The following PPFIA2 variants were observed in gnomAD, a reference collection of about 807,000 sequenced individuals.
The protein encoded by PPFIA2 is liprin-alpha-2.
Under a neutral mutation model 175.5 loss-of-function variants are expected in PPFIA2, and 46 were observed. The ratio of observed to expected loss-of-function variants is 0.26; its 90% confidence interval spans 0.21 to 0.34. The LOEUF (loss-of-function observed/expected upper bound fraction) is 0.34, where lower values mean the gene tolerates loss of function less well. PPFIA2 is among the 10% of genes least tolerant of loss of function. The pLI, the probability that PPFIA2 is intolerant of heterozygous loss-of-function variation, is 1.00. For synonymous variants in PPFIA2, 568 were observed against 511.4 expected (o/e 1.11, Z -1.49); for missense variants, 1,179 against 1,506.1 (o/e 0.78, Z 3.60).
chr12:81,625,636 C>T (rs1241725989), intron 4 of PPFIA2, among the ~76,000 whole-genome samples: 2 of 151,504 alleles, frequency 1.3e-5, no homozygotes, highest in Non-Finnish European at 3.0e-5. Flanking sequence ...TGACACAAAC[C>T]TGAAAGAAAA....
chr12:81,711,492 C>T (rs1167551681), intron 3 of PPFIA2, among the ~76,000 whole-genome samples: 1 of 151,280 alleles, frequency 6.6e-6, no homozygotes, highest in Non-Finnish European at 1.5e-5. Context: ...TCTATGTAGT[C>T]ATTTCTAGAT....
intron 4 of PPFIA2, among the ~76,000 whole-genome samples, chr12:81,470,947 T>C (rs1040258469): frequency 2.0e-5 from 3 of 152,128 alleles, no homozygotes; most frequent in Non-Finnish European, 4.4e-5. Flanking sequence ...TGTTCTGTTG[T>C]CTACTTCTAT....
At chr12:81,654,366 T>C (rs1401619433) in intron 4 of PPFIA2, among the ~76,000 whole-genome samples, 1 of 152,026 alleles carries the variant, frequency 6.6e-6, no homozygotes, top group Non-Finnish European at 1.5e-5. Context: ...TGCGAGACAC[T>C]TGATCACTAT....
At chr12:81,437,923 CTCT>C (rs2049381905) in intron 7 of PPFIA2, among the ~76,000 whole-genome samples, 1 of 151,050 alleles carries the variant, frequency 6.6e-6, no homozygotes, top group Non-Finnish European at 1.5e-5. Flanking sequence ...AGGTACCAAT[CTCT>C]TATTTCTTTT....
intron 11 of PPFIA2, among the ~76,000 whole-genome samples, chr12:81,372,202 G>C (rs139910693): frequency 6.6e-6 from 1 of 151,434 alleles, no homozygotes; most frequent in African/African-American, 2.4e-5. Context: ...ATATACTAAA[G>C]TTTTAGGATG....
chr12:81,733,452 T>C (rs2081183620), intron 3 of PPFIA2, among the ~76,000 whole-genome samples: 1 of 151,576 alleles, frequency 6.6e-6, no homozygotes, highest in Admixed American at 6.6e-5. Context: ...GTTAAGAGGG[T>C]AGATCTCATG....
intron 22 of PPFIA2, among the ~76,000 whole-genome samples, chr12:81,305,707 C>T (rs910838855): frequency 6.6e-5 from 10 of 152,222 alleles, no homozygotes; most frequent in South Asian, 2.1e-4. Flanking sequence ...GCCTTATTTC[C>T]GCTACACTAT....
At chr12:81,739,642 C>T (rs2082093738) in intron 3 of PPFIA2, among the ~76,000 whole-genome samples, 1 of 151,804 alleles carries the variant, frequency 6.6e-6, no homozygotes, top group Admixed American at 6.6e-5. Context: ...CTTATAAACT[C>T]TTATAAGAAT....
intron 7 of PPFIA2, among the ~76,000 whole-genome samples, chr12:81,439,258 A>T (rs1189932478): frequency 6.7e-6 from 1 of 149,764 alleles, no homozygotes; most frequent in East Asian, 1.9e-4. Context: ...AGGAGACTAT[A>T]ATAATACTTC....
At chr12:81,703,308 G>A (rs2076717344) in intron 3 of PPFIA2, among the ~76,000 whole-genome samples, 1 of 151,830 alleles carries the variant, frequency 6.6e-6, no homozygotes, top group African/African-American at 2.4e-5. Context: ...CTTTTTTACA[G>A]CCCCAATTTT....
chr12:81,310,548 T>G (rs1445523383), intron 22 of PPFIA2, among the ~76,000 whole-genome samples: 2 of 152,148 alleles, frequency 1.3e-5, no homozygotes, highest in Non-Finnish European at 2.9e-5. Flanking sequence ...GGAATTAAGT[T>G]TTATTTCTTG....
At chr12:81,713,733 T>C (rs1306916856) in intron 3 of PPFIA2, among the ~76,000 whole-genome samples, 5 of 151,262 alleles carry the variant, frequency 3.3e-5, no homozygotes, top group African/African-American at 4.8e-5. Context: ...ATGAAGTTTA[T>C]TGCTGTCTAA....
chr12:81,718,837 GC>G (rs1401045516), intron 3 of PPFIA2, among the ~76,000 whole-genome samples: 3 of 151,598 alleles, frequency 2.0e-5, no homozygotes, highest in Non-Finnish European at 4.4e-5. Context: ...GAGGATGCAT[GC>G]TCACTGTCTG....
intron 22 of PPFIA2, among the ~76,000 whole-genome samples, chr12:81,305,445 G>A (rs12312779): frequency 0.024 from 3,608 of 152,034 alleles, 149 homozygotes; most frequent in African/African-American, 0.084. Context: ...TTTACTATTG[G>A]AAGAATGGCC....
chr12:81,422,710 T>A (rs1286996892), intron 7 of PPFIA2, among the ~76,000 whole-genome samples: 1 of 152,014 alleles, frequency 6.6e-6, no homozygotes, highest in Admixed American at 6.6e-5. Flanking sequence ...ACCCCCATGA[T>A]AAAATTACCT....
At chr12:81,385,886 T>C (rs971006645) in intron 8 of PPFIA2, among the ~76,000 whole-genome samples, 3 of 152,164 alleles carry the variant, frequency 2.0e-5, no homozygotes, top group Non-Finnish European at 2.9e-5. Context: ...GAGTGAGTGA[T>C]GGATATATTA....
At chr12:81,741,223 G>A (rs2082279781) in intron 3 of PPFIA2, among the ~76,000 whole-genome samples, 1 of 152,146 alleles carries the variant, frequency 6.6e-6, no homozygotes, top group Admixed American at 6.5e-5. Flanking sequence ...GATTTGAGGT[G>A]CAGCATTAAT....
At chr12:81,636,044 GT>G (rs1224716378) in intron 4 of PPFIA2, among the ~76,000 whole-genome samples, 1 of 152,000 alleles carries the variant, frequency 6.6e-6, no homozygotes, top group Non-Finnish European at 1.5e-5. Flanking sequence ...AGATTTCTAT[GT>G]TTTTTAATCT....
intron 4 of PPFIA2, among the ~76,000 whole-genome samples, chr12:81,661,591 A>C (rs1238294252): frequency 2.6e-5 from 4 of 152,160 alleles, no homozygotes; most frequent in African/African-American, 9.7e-5. Flanking sequence ...CTCCCACACA[A>C]TAATTATGGG....
Sources: gnomAD v4.1 joint callset for allele counts (sites outside exome capture counted in the v4.1 genomes callset) on GRCh38, gnomAD v4.1.1 for gene constraint, MANE v1.5 for transcripts, NCBI Gene and HGNC (gene_info 2026-07-23, HGNC 2026-07-21) for gene names.